LDLRAD4: variants seen among roughly 807,000 people sequenced by gnomAD.
LDLRAD4 encodes low-density lipoprotein receptor class A domain-containing protein 4.
Under a neutral mutation model 17.0 loss-of-function variants are expected in LDLRAD4, and 5 were observed. The ratio of observed to expected loss-of-function variants is 0.29; its 90% CI spans 0.15 to 0.62. The LOEUF is 0.62. LDLRAD4 is among the 20% of genes least tolerant of loss of function. The probability of loss-of-function intolerance (pLI) is 0.84; values close to 1 mark genes in which losing one functional copy is unlikely to be tolerated. For synonymous variants in LDLRAD4, 168 were observed against 171.8 expected, an observed-to-expected ratio of 0.98 and a Z score of 0.17; for missense variants, 340 against 424.7, an observed-to-expected ratio of 0.80 and a Z score of 1.75.
chr18:13,360,914 A>G (rs1194068134), intron 1 of LDLRAD4, among the ~76,000 whole-genome samples: 1 of 152,180 alleles, frequency 6.6e-6, no homozygotes, highest in Admixed American at 6.6e-5. Context: ...TTTTTTCTCC[A>G]GAGGAGGAGG....
At chr18:13,287,223 C>G (rs1281803974) in intron 1 of LDLRAD4, among the ~76,000 whole-genome samples, 1 of 152,118 alleles carries the variant, frequency 6.6e-6, no homozygotes, top group Non-Finnish European at 1.5e-5. Context: ...GTATATCTTT[C>G]TATGAAATAC....
chr18:13,543,742 C>T (rs529598026), intron 3 of LDLRAD4: 1 of 152,306 alleles, frequency 6.6e-6, no homozygotes, highest in East Asian at 1.9e-4. Flanking sequence ...CAGCCAGACT[C>T]TAGCTCTGAT....
chr18:13,393,670 C>T (rs2086450341), intron 2 of LDLRAD4, among the ~76,000 whole-genome samples: 1 of 152,180 alleles, frequency 6.6e-6, no homozygotes. Flanking sequence ...TCTGCCGATG[C>T]TCTTTAGAGT....
At chr18:13,615,741 A>G (rs928706474) in intron 3 of LDLRAD4, 2 of 152,258 alleles carry the variant, frequency 1.3e-5, no homozygotes, top group Non-Finnish European at 2.9e-5. Context: ...ATTAAAAAGT[A>G]TCCGGTATTT....
chr18:13,264,430 C>T lies in LDLRAD4; in HGVS notation c.-466-13675C>T, dbSNP rs141937435. Among the ~76,000 whole-genome samples the T allele has an allele frequency of 1.6e-3, 241 of 152,384 alleles. 3 individuals are homozygous for T. In the East Asian group the frequency reaches 0.039, roughly 24 times the overall value. On this transcript the variant is annotated intron_variant, in intron 1 of 5. Transcript: ENST00000399848. The stretch of plus-strand genomic sequence containing the variant: ...AGTGTGCAGGAAAATGCTTAGAAAG[C>T]CAGGAACGAATGGTTTCTGAAGTAT...
intron 1 of LDLRAD4, chr18:13,236,307 C>CTTTT (rs777785875): frequency 0.31 from 35,356 of 112,546 alleles, 5,875 homozygotes; most frequent in Non-Finnish European, 0.36. Context: ...AATAGAAAAA[C>CTTTT]TTTTTTTTTT....
chr18:13,635,038 T>G (rs966529553), intron 4 of LDLRAD4, among the ~76,000 whole-genome samples: 1 of 151,984 alleles, frequency 6.6e-6, no homozygotes, highest in African/African-American at 2.4e-5. Flanking sequence ...TGCAGAAGAG[T>G]GACATTGGAC....
intron 3 of LDLRAD4, among the ~76,000 whole-genome samples, chr18:13,451,775 C>T (rs916504796): frequency 6.6e-6 from 1 of 152,206 alleles, no homozygotes; most frequent in Non-Finnish European, 1.5e-5. Context: ...AGGAAGCACT[C>T]TGAGGTCTCT....
At chr18:13,257,460 C>T (rs1351302824) in intron 1 of LDLRAD4, among the ~76,000 whole-genome samples, 3 of 152,176 alleles carry the variant, frequency 2.0e-5, no homozygotes, top group Non-Finnish European at 4.4e-5. Context: ...CGTGGACATG[C>T]GGTTGCTTTT....
At chr18:13,550,210 T>C (rs2094417554) in intron 3 of LDLRAD4, among the ~76,000 whole-genome samples, 1 of 152,126 alleles carries the variant, frequency 6.6e-6, no homozygotes, top group Non-Finnish European at 1.5e-5. Flanking sequence ...AATGTTATAG[T>C]GGTCTTGGAG....
At chr18:13,635,588 G>A (rs1269645962) in intron 4 of LDLRAD4, among the ~76,000 whole-genome samples, 2 of 152,194 alleles carry the variant, frequency 1.3e-5, no homozygotes. Context: ...CAAGCAGATT[G>A]AATTTGTGGG....
intron 3 of LDLRAD4, among the ~76,000 whole-genome samples, chr18:13,575,216 C>T (rs573515958): frequency 1.3e-5 from 2 of 152,232 alleles, no homozygotes; most frequent in South Asian, 4.1e-4. Context: ...GTCTTTTATC[C>T]CTCACTTACC....
intron 1 of LDLRAD4, among the ~76,000 whole-genome samples, chr18:13,372,866 A>G (rs1347022742): frequency 3.3e-5 from 5 of 152,216 alleles, no homozygotes; most frequent in Non-Finnish European, 5.9e-5. Flanking sequence ...GGCAGAGCAG[A>G]GGAGCAGGGG....
intron 2 of LDLRAD4, chr18:13,427,596 C>T (rs1349452370): frequency 6.6e-6 from 1 of 152,272 alleles, no homozygotes; most frequent in African/African-American, 2.4e-5. Context: ...TGGATTTTCT[C>T]TCCAAAACAC....
intron 1 of LDLRAD4, among the ~76,000 whole-genome samples, chr18:13,331,803 A>T (rs184461257): frequency 6.0e-4 from 92 of 152,330 alleles, no homozygotes; most frequent in African/African-American, 2.1e-3. Flanking sequence ...TCTTGTAACA[A>T]CTTGGAGGTT....
intron 3 of LDLRAD4, among the ~76,000 whole-genome samples, chr18:13,512,070 C>T (rs1008957055): frequency 1.3e-5 from 2 of 152,190 alleles, no homozygotes; most frequent in African/African-American, 2.4e-5. Flanking sequence ...TTATCTAAAT[C>T]AGGTTGGAAG....
At chr18:13,599,043 G>A (rs943588830) in intron 3 of LDLRAD4, among the ~76,000 whole-genome samples, 6 of 152,214 alleles carry the variant, frequency 3.9e-5, no homozygotes, top group Non-Finnish European at 5.9e-5. Flanking sequence ...GGAAGGGGTA[G>A]AACAAGGAAG....
chr18:13,221,174 G>A (rs1208838078), intron 1 of LDLRAD4, among the ~76,000 whole-genome samples: 3 of 152,276 alleles, frequency 2.0e-5, no homozygotes, highest in East Asian at 1.9e-4. Flanking sequence ...AAAGAAGAGC[G>A]CACCATATTA....
rs1568213734 is a variant in LDLRAD4, at chr18:13,473,655, AT to A, written c.181+35272del. 3.6e-4 allele frequency among the ~76,000 whole-genome samples: 37 copies of A among 102,442 alleles called. 1 individual carries two copies. The highest frequency in any genetic ancestry group is 8.7e-3 in the Middle Eastern group (2 of 230). The allele number at this position is 102,442 out of a possible 152,430, so 67.2% of individuals were successfully genotyped here. On this transcript the variant is annotated intron_variant, in intron 3 of 5. Transcript: ENST00000359446. The stretch of plus-strand genomic sequence containing the variant: ...CCATCTCATATATATATATATATAT[AT>A]ATATATATATATATATATATATAAC...
Sources: allele counts gnomAD v4.1 joint callset (sites outside exome capture counted in the v4.1 genomes callset), GRCh38; gene constraint gnomAD v4.1.1; transcripts MANE v1.5; gene names NCBI Gene and HGNC (gene_info 2026-07-23, HGNC 2026-07-21).